Variants in FBRSL1 observed in about 807,000 individuals in gnomAD.
The protein encoded by FBRSL1 is fibrosin like 1, also known as fibrosin-1-like protein.
Under a neutral mutation model 89.6 loss-of-function variants are expected in FBRSL1, and 51 were observed. That is an observed-to-expected ratio of 0.57 (90% CI 0.45 to 0.72). The LOEUF (loss-of-function observed/expected upper bound fraction) is 0.72. FBRSL1 is among the 30% of genes least tolerant of loss of function. The pLI, the probability that FBRSL1 is intolerant of heterozygous loss-of-function variation, is 0.00. For synonymous variants in FBRSL1, 779 were observed against 681.1 expected (o/e 1.14, Z -2.24); for missense variants, 1,618 against 1,451.8 (o/e 1.11, Z -1.86).
intron 1 of FBRSL1, among the ~76,000 whole-genome samples, chr12:132,491,514 G>A (rs1347929468): frequency 6.6e-6 from 1 of 152,218 alleles, no homozygotes; most frequent in Non-Finnish European, 1.5e-5. Flanking sequence ...ACTGGCATGG[G>A]CAGGAATGCT....
At chr12:132,523,587 C>T (rs139569867) in intron 2 of FBRSL1, among the ~76,000 whole-genome samples, 272 of 152,330 alleles carry the variant, frequency 1.8e-3, no homozygotes, top group Middle Eastern at 3.4e-3. Flanking sequence ...CCCTTCCCAT[C>T]GGCCAGGTGT....
At chr12:132,567,358 C>A in intron 5 of FBRSL1, 123 bp from the exon 6 acceptor site, 1 of 902,570 alleles carries the variant, frequency 1.1e-6, no homozygotes, top group Non-Finnish European at 1.8e-6. Context: ...GGGGCATCCA[C>A]AAGGGCACAT....
At position 132,511,860 on chromosome 12, in the gene FBRSL1, C is replaced by T. The variant is rs983278561; in HGVS notation, c.489+3510C>T. 2.9e-5 allele frequency: 29 copies of T among 985,308 alleles called. No homozygotes were observed. The East Asian group carries it at 3.4e-4, about 12-fold the overall frequency. 61.0% of individuals were successfully genotyped at this position (985,308 alleles called of 1,614,324 possible). ...CCCCACCCACCCGGGCCCCTTCCTCCGGTGCTCACCTGGGGCCTCCATCCC... is the reference window on the plus strand; with the variant it reads ...CCCCACCCACCCGGGCCCCTTCCTCTGGTGCTCACCTGGGGCCTCCATCCC... On this transcript the variant is annotated intron_variant, in intron 2 of 18. Transcript: ENST00000680143.
At position 132,581,727 on chromosome 12, in the gene FBRSL1, G is replaced by A. The variant is rs1349121624; in HGVS notation, c.1913-14G>A. 10 of 1,550,024 alleles carry A rather than the reference G, an allele frequency of 6.5e-6. No individual in the cohort carries two copies. The highest frequency in any genetic ancestry group is 2.4e-5 in the East Asian group (1 of 40,910). The stretch of plus-strand genomic sequence containing the variant: ...CGCCTCACAGACCTCTGGGTCCCGC[G>A]GTTGCCCCCACAGACCCTTTCAGCA... On this transcript the variant is annotated splice_polypyrimidine_tract_variant and intron_variant, in intron 16 of 18. Transcript: ENST00000680143.
Position 132,584,671 on chromosome 12 carries a change from TC to T in FBRSL1, c.*895del, listed in dbSNP as rs1163895012. The T allele has an allele frequency of 2.0e-5, 3 of 152,298 alleles. No individual in the cohort carries two copies. The highest frequency in any genetic ancestry group is 7.2e-5 in the African/African-American group (3 of 41,436). 9.4% of individuals were successfully genotyped at this position (152,298 alleles called of 1,614,324 possible). A position where few individuals can be genotyped will look rare whatever the true frequency, so the allele number is the denominator to read the frequency against. On this transcript the variant is annotated 3_prime_UTR_variant, in exon 19 of 19. Coordinates refer to ENST00000680143, the MANE Select transcript of FBRSL1 (RefSeq NM_001367871.1). ...AGCCCCTGGGCCAGCAGAACAGCAC[TC>T]CTGGGCGGCTCCTGTGGGCTTCAGG...
chr12:132,527,051 G>A (rs2136947062), intron 3 of FBRSL1, among the ~76,000 whole-genome samples: 1 of 152,238 alleles, frequency 6.6e-6, no homozygotes, highest in Non-Finnish European at 1.5e-5. Flanking sequence ...GCAGACCAGA[G>A]TGTGCCCTGA....
chr12:132,536,454 G>T (rs566356225), intron 4 of FBRSL1, among the ~76,000 whole-genome samples: 1 of 151,956 alleles, frequency 6.6e-6, no homozygotes, highest in South Asian at 2.1e-4. Context: ...GTGAGTGCAT[G>T]TGTATATGAC....
rs563631309 is a variant in FBRSL1, at chr12:132,560,542, G to T, written c.646-6939G>T. ...CGCCCAGGTGCGGAATCGGCCACCCGGGTTCCCGGCGCCGCGCTCACCTGC... is the reference window on the plus strand; with the variant it reads ...CGCCCAGGTGCGGAATCGGCCACCCTGGTTCCCGGCGCCGCGCTCACCTGC... On this transcript the variant is annotated intron_variant, in intron 5 of 18. Coordinates refer to ENST00000680143, the MANE Select transcript of FBRSL1 (RefSeq NM_001367871.1). Among the ~76,000 whole-genome samples, 145 of 152,218 alleles carry T rather than the reference G, an allele frequency of 9.5e-4. 2 individuals are homozygous for T. The highest frequency in any genetic ancestry group is 3.2e-3 in the African/African-American group (135 of 41,556).
chr12:132,547,814 G>A (rs2037827657), intron 4 of FBRSL1, among the ~76,000 whole-genome samples, 189 bp from the exon 5 acceptor site: 1 of 152,138 alleles, frequency 6.6e-6, no homozygotes, highest in Admixed American at 6.5e-5. Flanking sequence ...GGTCTGTCTG[G>A]TGCAGCACTG....
intron 5 of FBRSL1, chr12:132,551,466 G>C: frequency 2.2e-6 from 1 of 456,316 alleles, no homozygotes; most frequent in South Asian, 1.5e-5. Context: ...AGTGCACCCC[G>C]AGGAAGCCTT....
chr12:132,524,259 G>A (rs912012917), intron 2 of FBRSL1, among the ~76,000 whole-genome samples: 17 of 152,358 alleles, frequency 1.1e-4, no homozygotes, highest in Middle Eastern at 3.4e-3. Flanking sequence ...CCTGCCCCCG[G>A]CTCCCGCCCA....
chr12:132,543,631 C>T (rs2037444942), intron 4 of FBRSL1, among the ~76,000 whole-genome samples: 1 of 144,282 alleles, frequency 6.9e-6, no homozygotes, highest in African/African-American at 2.7e-5. Flanking sequence ...GCCCCCCTAC[C>T]CAGCTTGTGG....
chr12:132,570,646 T>A, intron 8 of FBRSL1, 106 bp downstream of exon 8: 1 of 1,014,706 alleles, frequency 9.9e-7, no homozygotes, highest in Middle Eastern at 3.3e-4. Flanking sequence ...CTGTGGTCTC[T>A]GCGGACCCTG....
intron 3 of FBRSL1, among the ~76,000 whole-genome samples, chr12:132,527,573 C>T (rs1203973302): frequency 1.3e-5 from 2 of 151,792 alleles, no homozygotes; most frequent in South Asian, 2.1e-4. Flanking sequence ...TGTCCCCATC[C>T]GAGTTGAGGG....
chr12:132,497,550 G>GCA (rs1021327446), intron 1 of FBRSL1, among the ~76,000 whole-genome samples: 1 of 152,066 alleles, frequency 6.6e-6, no homozygotes, highest in African/African-American at 2.4e-5. Flanking sequence ...TACCCAGATG[G>GCA]CACCAGGACC....
At chr12:132,521,358 C>T (rs117184773) in intron 2 of FBRSL1, among the ~76,000 whole-genome samples, 1,769 of 152,296 alleles carry the variant, frequency 0.012, 44 homozygotes, top group East Asian at 0.12. Context: ...AGGGGCGTCG[C>T]GTTCCCGTCT....
At chr12:132,564,888 C>G (rs999088751) in intron 5 of FBRSL1, among the ~76,000 whole-genome samples, 2 of 152,054 alleles carry the variant, frequency 1.3e-5, no homozygotes, top group Non-Finnish European at 2.9e-5. Context: ...CTCGGCCTCC[C>G]GCAGTGCTGG....
At chr12:132,518,454 TCCATCCACCCGTCTGTC>T (rs2035045185) in intron 2 of FBRSL1, among the ~76,000 whole-genome samples, 1 of 148,736 alleles carries the variant, frequency 6.7e-6, no homozygotes, top group Non-Finnish European at 1.5e-5. Context: ...ATCTCATCCA[TCCATCCACCCGTCTGTC>T]CATCCATCCA....
At chr12:132,578,937 C>T (rs912191390) in intron 15 of FBRSL1, among the ~76,000 whole-genome samples, 1 of 152,262 alleles carries the variant, frequency 6.6e-6, no homozygotes, top group Non-Finnish European at 1.5e-5. Flanking sequence ...GAAGTCCAGG[C>T]TGCAGTTTCT....
Sources: allele counts gnomAD v4.1 joint callset (sites outside exome capture counted in the v4.1 genomes callset), GRCh38; gene constraint gnomAD v4.1.1; transcripts MANE v1.5; gene names NCBI Gene and HGNC (gene_info 2026-07-23, HGNC 2026-07-21).